Variants in CACNA1C observed in about 807,000 individuals in gnomAD.
CACNA1C encodes calcium voltage-gated channel subunit alpha1 C.
A neutral mutation model predicts 229.0 loss-of-function variants in CACNA1C; 30 were observed. The observed-to-expected ratio is 0.13, with a 90% CI of 0.10 to 0.18. The LOEUF is 0.18. Among genes scored for constraint, CACNA1C ranks in the 10% least tolerant of loss-of-function variants. The pLI is 1.00. For synonymous variants in CACNA1C, 1,114 were observed against 1,132.5 expected, an observed-to-expected ratio of 0.98 and a Z score of 0.33; for missense variants, 1,658 against 2,845.0, an observed-to-expected ratio of 0.58 and a Z score of 9.49.
chr12:2,595,081 G>C lies in CACNA1C; in HGVS notation c.2664-793G>C, dbSNP rs215980. ...TAACTCTTATAAACCAGAATTGTCT[G>C]AGAGAGTTTGGCCCTTCGAGGGTTT... On this transcript the variant is annotated intron_variant, in intron 19 of 46. Coordinates refer to ENST00000399655, the MANE Select transcript of CACNA1C (RefSeq NM_000719.7). This position sits in a 1 kb window ranked among gnomAD's most constrained non-coding sequence, Gnocchi z 4.1. Among the ~76,000 whole-genome samples, 143,811 of 152,236 alleles carry C rather than the reference G, an allele frequency of 0.94. 68,137 individuals are homozygous for C. Among genetic ancestry groups the C allele is most frequent in the East Asian group, 1 (5,162 of 5,162 alleles).
At chr12:2,106,931 C>G (rs2079101251) in intron 1 of CACNA1C, among the ~76,000 whole-genome samples, 1 of 84,796 alleles carries the variant, frequency 1.2e-5, no homozygotes, top group East Asian at 4.6e-4. Context: ...GTTTCCACCT[C>G]AGCTGGGGCG....
Position 1,988,851 on chromosome 12 carries a change from G to A in CACNA1C, c.139+17650G>A, listed in dbSNP as rs775944069. Among the ~76,000 whole-genome samples, 46 of 152,210 alleles carry A rather than the reference G, an allele frequency of 3.0e-4. 1 individual carries two copies. The highest frequency in any genetic ancestry group is 6.8e-3 in the Middle Eastern group (2 of 294). On this transcript the variant is annotated intron_variant, in intron 1 of 46. Transcript: ENST00000682462. The stretch of plus-strand genomic sequence containing the variant: ...CCCAGATCCTATGAATGTTAATCAA[G>A]GATTTAAACTGTCATTTCTTTTTTC...
At chr12:2,246,907 C>G (rs561858857) in intron 3 of CACNA1C, among the ~76,000 whole-genome samples, 1 of 152,286 alleles carries the variant, frequency 6.6e-6, no homozygotes, top group South Asian at 2.1e-4. Context: ...ATAGCGGCTG[C>G]ATCCCTGTCT....
At chr12:2,089,686 C>G (rs1207944769) in intron 1 of CACNA1C, among the ~76,000 whole-genome samples, 1 of 152,142 alleles carries the variant, frequency 6.6e-6, no homozygotes, top group Admixed American at 6.5e-5. Flanking sequence ...TGTTACAGTT[C>G]AGTAGTGTTA....
intron 3 of CACNA1C, among the ~76,000 whole-genome samples, chr12:2,436,100 T>TTG (rs1310367644): frequency 6.6e-6 from 1 of 151,878 alleles, no homozygotes; most frequent in Admixed American, 6.6e-5. Flanking sequence ...GCAGTGAGAG[T>TTG]TGGGAGAAGA....
intron 20 of CACNA1C, 77 bp downstream of exon 20, chr12:2,596,080 T>C (rs2068032326): frequency 1.4e-6 from 2 of 1,421,776 alleles, no homozygotes; most frequent in East Asian, 4.8e-5. Context: ...GCTGACATCA[T>C]TGTTCAATCA....
chr12:2,111,354 C>T (rs1227838648), intron 1 of CACNA1C, among the ~76,000 whole-genome samples: 1 of 152,192 alleles, frequency 6.6e-6, no homozygotes, highest in Non-Finnish European at 1.5e-5. Flanking sequence ...TAGCTTCTAC[C>T]TCGTGCTCCG....
intron 3 of CACNA1C, among the ~76,000 whole-genome samples, chr12:2,268,435 ACTCCCTGGG>A (rs983075789): frequency 6.6e-6 from 1 of 152,170 alleles, no homozygotes; most frequent in African/African-American, 2.4e-5. Flanking sequence ...TCATGGATTA[ACTCCCTGGG>A]CTTTGGAAAA....
At chr12:2,270,536 A>G (rs535776312) in intron 3 of CACNA1C, among the ~76,000 whole-genome samples, 2 of 152,294 alleles carry the variant, frequency 1.3e-5, no homozygotes, top group East Asian at 3.9e-4. Context: ...AGAGAACACG[A>G]GTAGTCTCTT....
chr12:2,180,953 C>T (rs573958474), intron 3 of CACNA1C, among the ~76,000 whole-genome samples: 1 of 152,250 alleles, frequency 6.6e-6, no homozygotes, highest in Non-Finnish European at 1.5e-5. Flanking sequence ...ATATTTGTAG[C>T]AGTTCTGATG....
intron 3 of CACNA1C, among the ~76,000 whole-genome samples, chr12:2,282,378 C>G (rs74630743): frequency 6.6e-6 from 1 of 152,198 alleles, no homozygotes; most frequent in Non-Finnish European, 1.5e-5. Flanking sequence ...ACACTCTTGG[C>G]AGACAGGGCT....
chr12:2,420,102 G>GGTGTGTGTGTGTGTGTGT (rs564990323), intron 3 of CACNA1C, among the ~76,000 whole-genome samples: 1,354 of 125,446 alleles, frequency 0.011, 57 homozygotes, highest in African/African-American at 0.033. Context: ...TAGGCAAAAT[G>GGTGTGTGTGTGTGTGTGT]GTGTGTGTGT....
chr12:2,519,440 G>T (rs1490630225), intron 9 of CACNA1C, among the ~76,000 whole-genome samples: 1 of 152,218 alleles, frequency 6.6e-6, no homozygotes, highest in Non-Finnish European at 1.5e-5. Context: ...CTTCCTTGTG[G>T]CATCACCGAT....
At chr12:2,674,386 G>A in intron 38 of CACNA1C, 155 bp from the exon 39 acceptor site, 1 of 1,086,184 alleles carries the variant, frequency 9.2e-7, no homozygotes, top group Non-Finnish European at 1.3e-6. Flanking sequence ...GGTGGAAAAT[G>A]GGAAGACTGG....
intron 3 of CACNA1C, among the ~76,000 whole-genome samples, chr12:2,331,587 A>C (rs73605765): frequency 1.3e-5 from 2 of 152,242 alleles, no homozygotes; most frequent in South Asian, 2.1e-4. Flanking sequence ...ATAAGAATCC[A>C]TGAGTCTATA....
chr12:2,170,828 C>G (rs1295902771), intron 3 of CACNA1C, among the ~76,000 whole-genome samples: 4 of 152,204 alleles, frequency 2.6e-5, no homozygotes, highest in Non-Finnish European at 4.4e-5. Flanking sequence ...TTCCTAGGCC[C>G]GTAGATTCTA....
At chr12:1,989,857 A>C (rs1419797822) in intron 1 of CACNA1C, among the ~76,000 whole-genome samples, 1 of 152,254 alleles carries the variant, frequency 6.6e-6, no homozygotes, top group Non-Finnish European at 1.5e-5. Context: ...ACTATATGGG[A>C]ATATTACAAA....
At chr12:2,140,679 A>G (rs867058686) in intron 3 of CACNA1C, among the ~76,000 whole-genome samples, 2 of 151,350 alleles carry the variant, frequency 1.3e-5, no homozygotes, top group South Asian at 4.2e-4. Flanking sequence ...CAAGTAGACC[A>G]TTTGACTTCA....
chr12:2,004,209 C>T (rs1195674725), intron 1 of CACNA1C: 5 of 1,586,622 alleles, frequency 3.2e-6, no homozygotes, highest in Non-Finnish European at 3.4e-6. Context: ...ACCGGGTCCT[C>T]AAGTCCTGAG....
Sources: allele counts gnomAD v4.1 joint callset (sites outside exome capture counted in the v4.1 genomes callset), GRCh38; gene constraint gnomAD v4.1.1; non-coding constraint Gnocchi (gnomAD v3.1); transcripts MANE v1.5; gene names NCBI Gene and HGNC (gene_info 2026-07-23, HGNC 2026-07-21).